The following PPP2R5B variants were observed in gnomAD, a reference collection of about 807,000 sequenced individuals.
The protein encoded by PPP2R5B is protein phosphatase 2 regulatory subunit B'beta, also known as serine/threonine-protein phosphatase 2A 56 kDa regulatory subunit beta isoform.
A neutral mutation model predicts 59.9 loss-of-function variants in PPP2R5B; 19 were observed. The observed-to-expected ratio is 0.32, with a 90% confidence interval of 0.22 to 0.47. The LOEUF is 0.47. Ranked by LOEUF, PPP2R5B falls within the 20% of genes least tolerant of loss-of-function variation. The pLI is 1.00. For missense variants in PPP2R5B, 441 were observed against 640.2 expected (o/e 0.69, Z 3.36); for synonymous variants, 286 against 260.5 (o/e 1.10, Z -0.94).
intron 1 of PPP2R5B, among the ~76,000 whole-genome samples, chr11:64,918,606 C>G (rs1224877985): frequency 6.6e-6 from 1 of 152,118 alleles, no homozygotes; most frequent in Non-Finnish European, 1.5e-5. Flanking sequence ...GTTGGGATTA[C>G]AGGCACGAGC....
chr11:64,923,738 C>T (rs1945130419), upstream of PPP2R5B, among the ~76,000 whole-genome samples: 1 of 152,178 alleles, frequency 6.6e-6, no homozygotes, highest in Non-Finnish European at 1.5e-5. Flanking sequence ...GGTCTCATCA[C>T]CCTTTCCTAC....
chr11:64,928,444 C>T lies in PPP2R5B; in HGVS notation c.722+19C>T. ...TCCTCCGGTGAGTGGCTGCTGCCTG[C>T]CCAGCAGAGACCTGGGGAGGGTGAG... On this transcript the variant is annotated intron_variant, in intron 6 of 13. Coordinates refer to ENST00000164133, the MANE Select transcript of PPP2R5B (RefSeq NM_006244.4). 6.2e-7 allele frequency: 1 copy of T among 1,613,902 alleles called. No homozygotes were observed. The highest frequency in any genetic ancestry group is 1.7e-5 in the Admixed American group (1 of 60,012).
At position 64,925,475 on chromosome 11, in the gene PPP2R5B, A is replaced by C. The variant is rs554613568; in HGVS notation, c.-260A>C. Reference sequence around the variant, plus strand: ...GCCTGACTTCGTTTTCAAAAGAGCCAGGGTGGGAACCCTAACTGGACTCTT... The same window carrying C: ...GCCTGACTTCGTTTTCAAAAGAGCCCGGGTGGGAACCCTAACTGGACTCTT... On this transcript the variant is annotated 5_prime_UTR_variant, in exon 2 of 14. Transcript: ENST00000164133. The surrounding 1 kb of genome is among the most constrained non-coding windows in gnomAD (Gnocchi z 4.6). 4.7e-5 allele frequency: 19 copies of C among 403,742 alleles called. No individual in the cohort carries two copies. In the East Asian group the frequency reaches 9.3e-4, roughly 20 times the overall value. The allele number at this position is 403,742 out of a possible 1,614,324, so 25.0% of individuals were successfully genotyped here. A position where few individuals can be genotyped will look rare whatever the true frequency, so the allele number is the denominator to read the frequency against.
At chr11:64,918,278 C>G (rs554741870) in intron 1 of PPP2R5B, 1 of 152,360 alleles carries the variant, frequency 6.6e-6, no homozygotes, top group African/African-American at 2.4e-5. Context: ...AAAAAGTTTG[C>G]CAACCGCTGC....
At chr11:64,924,183 C>T (rs1370764532), upstream of PPP2R5B, 1 of 152,298 alleles carries the variant, frequency 6.6e-6, no homozygotes, top group Non-Finnish European at 1.5e-5. Context: ...CTGCATCTCC[C>T]AGCAGGCTTG....
chr11:64,921,069 C>T (rs1382987509), upstream of PPP2R5B, among the ~76,000 whole-genome samples: 1 of 151,802 alleles, frequency 6.6e-6, no homozygotes, highest in East Asian at 1.9e-4. Flanking sequence ...ATCCTCCCAC[C>T]TCAGCCTCCC....
At chr11:64,919,616 T>C (rs917240550) in intron 1 of PPP2R5B, among the ~76,000 whole-genome samples, 1 of 151,424 alleles carries the variant, frequency 6.6e-6, no homozygotes, top group Non-Finnish European at 1.5e-5. Context: ...CCGGGCGTGG[T>C]GGTGTGTGCC....
intron 6 of PPP2R5B, 150 bp from the exon 7 acceptor site, chr11:64,930,172 G>C (rs1396603416): frequency 1.1e-5 from 9 of 848,486 alleles, no homozygotes; most frequent in Non-Finnish European, 1.7e-5. Flanking sequence ...ATGGGGCCTG[G>C]TTTGGGATGT....
At position 64,934,275 on chromosome 11, in the gene PPP2R5B, C is replaced by A. The variant is rs1446193401; in HGVS notation, c.*431C>A. 2 of 233,638 alleles carry A rather than the reference C, an allele frequency of 8.6e-6. No homozygotes were observed. The highest frequency in any genetic ancestry group is 1.7e-5 in the Non-Finnish European group (2 of 119,450). 14.5% of individuals were successfully genotyped at this position (233,638 alleles called of 1,614,324 possible). On this transcript the variant is annotated 3_prime_UTR_variant, in exon 14 of 14. Transcript: ENST00000164133. ...ATTCTCGCCCAGCTCACCCTCTACA[C>A]AGACACTGTCCTGGGTGCACACTCC...
rs2136690604 is a variant in PPP2R5B, at chr11:64,932,688, G to A, written c.1117-77G>A. ...AAGGTCAGGGGGCCTGGGCGTTGAG[G>A]TAGTGATGGACACCAGACCTTGCAC... On this transcript the variant is annotated intron_variant, in intron 11 of 13. Coordinates refer to ENST00000164133, the MANE Select transcript of PPP2R5B (RefSeq NM_006244.4). 5 of 1,554,846 alleles carry A rather than the reference G, an allele frequency of 3.2e-6. No individual in the cohort carries two copies. The South Asian group carries it at 6.1e-5, about 19-fold the overall frequency.
At position 64,933,956 on chromosome 11, in the gene PPP2R5B, C is replaced by G; in HGVS notation, c.*112C>G. 1.6e-6 allele frequency: 2 copies of G among 1,286,934 alleles called. No individual in the cohort carries two copies. Among genetic ancestry groups the G allele is most frequent in the Non-Finnish European group, 2.0e-6 (2 of 979,534 alleles). The allele number at this position is 1,286,934 out of a possible 1,614,324, so 79.7% of individuals were successfully genotyped here. On this transcript the variant is annotated 3_prime_UTR_variant, in exon 14 of 14. Transcript: ENST00000164133. Reference sequence around the variant, plus strand: ...CCTACCCCTGGCCTTGCCAGAGTGGCTTCTGAGGACTCCCTGCCCAGCCCA... The same window carrying G: ...CCTACCCCTGGCCTTGCCAGAGTGGGTTCTGAGGACTCCCTGCCCAGCCCA...
In PPP2R5B at chr11:64,925,909, C is replaced by G; in HGVS notation, c.175C>G (p.Leu59Val). 9 of 1,611,954 alleles carry G rather than the reference C, an allele frequency of 5.6e-6. No homozygotes were observed. Among genetic ancestry groups the G allele is most frequent in the Non-Finnish European group, 7.6e-6 (9 of 1,179,878 alleles). ...CCGCTATCAGAGCAACCAGCAAGAG[C>G]TCACACCGCTGCCCCTGCTCAAAGG... ...QFRYQSNQQELTPLPLLKDVP... is the reference protein window; with the variant it reads ...QFRYQSNQQEVTPLPLLKDVP... The change falls in exon 2 of 14, where the codon CTC becomes GTC. Residue 59 changes from leucine (L) to valine (V), a missense_variant. Physicochemically the swap from Leu to Val is conservative, Grantham distance 32. Around this residue, in one of 3 missense-constraint regions of PPP2R5B, gnomAD observed 103 missense variants for 87.9 expected, o/e 1.17. Coordinates refer to ENST00000164133, the MANE Select transcript of PPP2R5B (RefSeq NM_006244.4). This position sits in a 1 kb window ranked among gnomAD's most constrained non-coding sequence, Gnocchi z 4.6.
intron 1 of PPP2R5B, among the ~76,000 whole-genome samples, chr11:64,919,540 A>G (rs1945092196): frequency 1.3e-5 from 2 of 151,380 alleles, no homozygotes; most frequent in South Asian, 4.2e-4. Flanking sequence ...GGAGTTTGAG[A>G]CCAGCCTGGG....
At position 64,933,715 on chromosome 11, in the gene PPP2R5B, G is replaced by A; in HGVS notation, c.1365G>A (p.Gln455=). ...LEKQQEQQKA[Q]ERQELWQGLE... ...TCCCCAGGGAGCAGCAGAAGGCCCA[G>A]GAGCGTCAGGAGTTATGGCAAGGTC... is the stretch of plus-strand genomic sequence containing the variant. The change falls in exon 14 of 14, where the codon CAG becomes CAA. Residue 455 remains glutamine (Q), a synonymous_variant. Transcript: ENST00000164133. 6.4e-7 allele frequency: 1 copy of A among 1,556,576 alleles called. No individual in the cohort carries two copies. Among genetic ancestry groups the A allele is most frequent in the Non-Finnish European group, 8.7e-7 (1 of 1,149,702 alleles).
In PPP2R5B at chr11:64,933,862, GA is replaced by G; in HGVS notation, c.*22del. On this transcript the variant is annotated 3_prime_UTR_variant, in exon 14 of 14. Coordinates refer to ENST00000164133, the MANE Select transcript of PPP2R5B (RefSeq NM_006244.4). ...AGAGCTAGACAGCACCTCAGAAGGG[GA>G]AAAGCTAAACCCAGAGCTGTCAGTC... 6.6e-7 allele frequency: 1 copy of G among 1,508,052 alleles called. No individual in the cohort carries two copies. The highest frequency in any genetic ancestry group is 8.9e-7 in the Non-Finnish European group (1 of 1,127,454). 93.4% of individuals were successfully genotyped at this position (1,508,052 alleles called of 1,614,324 possible).
Position 64,925,622 on chromosome 11 carries a change from C to G in PPP2R5B, c.-113C>G, listed in dbSNP as rs770287329. The G allele has an allele frequency of 1.1e-4, 62 of 550,406 alleles. 3 individuals are homozygous for G. Among genetic ancestry groups the G allele is most frequent in the African/African-American group, 2.9e-4 (14 of 48,342 alleles). The allele number at this position is 550,406 out of a possible 1,614,324, so 34.1% of individuals were successfully genotyped here. A position where few individuals can be genotyped will look rare whatever the true frequency, so the allele number is the denominator to read the frequency against. On this transcript the variant is annotated 5_prime_UTR_variant, in exon 2 of 14. Transcript: ENST00000164133. This position sits in a 1 kb window ranked among gnomAD's most constrained non-coding sequence, Gnocchi z 4.6. Reference sequence around the variant, plus strand: ...CCCAGGACTGTGGTTGTGCCCCCCCCCCAAAGGCCGGACAGGATGGGACCA... The same window carrying G: ...CCCAGGACTGTGGTTGTGCCCCCCCGCCAAAGGCCGGACAGGATGGGACCA...
chr11:64,926,673 G>T, intron 2 of PPP2R5B, 39 bp from the exon 3 acceptor site: 4 of 1,605,736 alleles, frequency 2.5e-6, no homozygotes, highest in Non-Finnish European at 3.4e-6. Flanking sequence ...GCAGCTGGGG[G>T]AGCTGGGGCC....
Position 64,930,299 on chromosome 11 carries a change from C to G in PPP2R5B, c.723-23C>G, listed in dbSNP as rs755523993. 3.7e-6 allele frequency: 6 copies of G among 1,613,392 alleles called. No homozygotes were observed. The South Asian group carries it at 6.6e-5, about 18-fold the overall frequency. Reference sequence around the variant, plus strand: ...TGGGCCTACCCTGCTTGCTTTGAGCCCACCTGCGTTCTTCTCTTGCAGGTT... The same window carrying G: ...TGGGCCTACCCTGCTTGCTTTGAGCGCACCTGCGTTCTTCTCTTGCAGGTT... On this transcript the variant is annotated intron_variant, in intron 6 of 13. Transcript: ENST00000164133.
At chr11:64,928,617 A>G (rs1312513296) in intron 6 of PPP2R5B, among the ~76,000 whole-genome samples, 192 bp downstream of exon 6, 2 of 152,256 alleles carry the variant, frequency 1.3e-5, no homozygotes, top group African/African-American at 2.4e-5. Flanking sequence ...TCTCTAATAA[A>G]AATACAAACA....
Sources: gnomAD v4.1 joint callset for allele counts (sites outside exome capture counted in the v4.1 genomes callset) on GRCh38, gnomAD v4.1.1 for gene constraint, gnomAD v4.1.1 regional missense constraint, Gnocchi (gnomAD v3.1) non-coding constraint, MANE v1.5 for transcripts, NCBI Gene and HGNC (gene_info 2026-07-23, HGNC 2026-07-21) for gene names.